Variants in FRMPD1 observed in about 807,000 individuals in gnomAD.
FRMPD1 encodes FERM and PDZ domain containing 1, also known as FERM and PDZ domain-containing protein 1.
Under a neutral mutation model 117.8 loss-of-function variants are expected in FRMPD1, and 76 were observed. That is an observed-to-expected ratio of 0.65 (90% CI 0.54 to 0.78). The LOEUF (loss-of-function observed/expected upper bound fraction) is 0.78, where lower values mean the gene tolerates loss of function less well. Among genes scored for constraint, FRMPD1 ranks in the 30% least tolerant of loss-of-function variants. The pLI is 0.00. For missense variants in FRMPD1, 1,786 were observed against 1,964.5 expected (o/e 0.91, Z 1.72); for synonymous variants, 783 against 770.4 (o/e 1.02, Z -0.27).
intron 13 of FRMPD1, among the ~76,000 whole-genome samples, chr9:37,736,776 T>C (rs925544652): frequency 6.6e-6 from 1 of 151,162 alleles, no homozygotes; most frequent in African/African-American, 2.4e-5. Flanking sequence ...GGCGCTGGGG[T>C]AGAGGATGAG....
intron 1 of FRMPD1, among the ~76,000 whole-genome samples, chr9:37,673,345 C>T (rs571974710): frequency 2.6e-5 from 4 of 152,352 alleles, no homozygotes; most frequent in Non-Finnish European, 4.4e-5. Flanking sequence ...GCAGGTCAAG[C>T]TGATGCAAGA....
chr9:37,654,530 T>C (rs568038896), intron 1 of FRMPD1, among the ~76,000 whole-genome samples: 5 of 152,394 alleles, frequency 3.3e-5, no homozygotes, highest in Admixed American at 1.3e-4. Context: ...AGTTTTTTCA[T>C]CTGTAAACTA....
At chr9:37,678,187 C>T (rs1046531928) in intron 1 of FRMPD1, among the ~76,000 whole-genome samples, 7 of 151,672 alleles carry the variant, frequency 4.6e-5, no homozygotes, top group Admixed American at 2.0e-4. Context: ...TTCTGCCTAC[C>T]CATGACCTCC....
At chr9:37,730,764 G>A (rs1384966283) in intron 8 of FRMPD1, among the ~76,000 whole-genome samples, 1 of 152,198 alleles carries the variant, frequency 6.6e-6, no homozygotes, top group Admixed American at 6.5e-5. Context: ...TGGAAGATAG[G>A]TGAGTGGGAA....
the FRMPD1 span, among the ~76,000 whole-genome samples, chr9:37,636,180 G>A: frequency 1.3e-5 from 2 of 152,174 alleles, no homozygotes; most frequent in Non-Finnish European, 2.9e-5. Flanking sequence ...AGGGTGGGCT[G>A]CTGGGCCCCT....
rs773945026 is a variant in FRMPD1, at chr9:37,745,455, AAAT to A, written c.3427_3429del (p.Asn1143del). On this transcript the variant is annotated inframe_deletion, in exon 16 of 16. Transcript: ENST00000377765. ...CAGGTGACTCCCCGGGTGATGTGTCAAATAATGTTTCACAGACTCTTGATATTA... is the reference window on the plus strand; with the variant it reads ...CAGGTGACTCCCCGGGTGATGTGTCAAATGTTTCACAGACTCTTGATATTA... 6 of 1,613,888 alleles carry A rather than the reference AAAT, an allele frequency of 3.7e-6. No individual in the cohort carries two copies. The highest frequency in any genetic ancestry group is 1.3e-5 in the African/African-American group (1 of 74,922).
chr9:37,746,816 C>T lies in FRMPD1; in HGVS notation c.*47C>T, dbSNP rs1251075992. 3 of 1,341,240 alleles carry T rather than the reference C, an allele frequency of 2.2e-6. No individual in the cohort carries two copies. The Admixed American group carries it at 5.3e-5, about 24-fold the overall frequency. The allele number at this position is 1,341,240 out of a possible 1,614,324, so 83.1% of individuals were successfully genotyped here. A position where few individuals can be genotyped will look rare whatever the true frequency, so the allele number is the denominator to read the frequency against. On this transcript the variant is annotated 3_prime_UTR_variant, in exon 16 of 16. Transcript: ENST00000377765. ...CTCCTGCCCTGTCCTGCCTTGGACA[C>T]TTCCCTGAGAAGCCCCTTCCACTCT...
chr9:37,636,364 G>C, the FRMPD1 span, among the ~76,000 whole-genome samples: 25,729 of 152,156 alleles, frequency 0.17, 2,888 homozygotes, highest in East Asian at 0.58. Context: ...CAGCACACAT[G>C]GGGGTGGGAG....
Position 37,745,278 on chromosome 9 carries a change from TA to T in FRMPD1, c.3247del (p.Arg1083GlufsTer7). On this transcript the variant is annotated frameshift_variant, in exon 16 of 16. Coordinates refer to ENST00000377765, the MANE Select transcript of FRMPD1 (RefSeq NM_014907.3). LOFTEE classifies it low-confidence loss of function (END_TRUNC). The part of the protein sequence containing the change: ...EPLLSPRDEP[R>X]SDECGINPGE... Reference sequence around the variant, plus strand: ...CTTTGTTGTCTCCTAGAGATGAGCCTAGAAGTGATGAATGTGGAATAAATCC... The same window carrying T: ...CTTTGTTGTCTCCTAGAGATGAGCCTGAAGTGATGAATGTGGAATAAATCC... The T allele has an allele frequency of 6.2e-7, 1 of 1,612,312 alleles. No individual in the cohort carries two copies. Among genetic ancestry groups the T allele is most frequent in the Non-Finnish European group, 8.5e-7 (1 of 1,178,352 alleles).
the FRMPD1 span, among the ~76,000 whole-genome samples, chr9:37,611,734 T>A: frequency 6.6e-6 from 1 of 152,232 alleles, no homozygotes; most frequent in Admixed American, 6.5e-5. Flanking sequence ...TTTGGGTTTA[T>A]ATGTTTAAGA....
At position 37,692,867 on chromosome 9, in the gene FRMPD1, G is replaced by A. The variant is rs545664778; in HGVS notation, c.101+125G>A. ...GGCTTGCTTTGTTCTTACACCATAT[G>A]GTGGGAGCAGTGTAAACAGGTCAGC... On this transcript the variant is annotated intron_variant, in intron 2 of 15. Transcript: ENST00000377765. 5.5e-6 allele frequency: 4 copies of A among 728,130 alleles called. No homozygotes were observed. The Admixed American group carries it at 6.5e-5, about 12-fold the overall frequency. The allele number at this position is 728,130 out of a possible 1,614,324, so 45.1% of individuals were successfully genotyped here.
chr9:37,645,191 C>T, the FRMPD1 span, among the ~76,000 whole-genome samples: 1 of 151,762 alleles, frequency 6.6e-6, no homozygotes, highest in South Asian at 2.1e-4. Context: ...CTTTTCAAAG[C>T]TGCCTCTCAA....
the FRMPD1 span, among the ~76,000 whole-genome samples, chr9:37,610,794 G>A: frequency 1.3e-5 from 2 of 151,820 alleles, no homozygotes; most frequent in African/African-American, 4.8e-5. Context: ...GCAGAGATGG[G>A]GTTTCTCCAT....
At chr9:37,741,728 C>T (rs1281020757) in intron 15 of FRMPD1, among the ~76,000 whole-genome samples, 1 of 152,208 alleles carries the variant, frequency 6.6e-6, no homozygotes, top group African/African-American at 2.4e-5. Context: ...TGTCTCTCTC[C>T]CTCCTCCTGC....
intron 1 of FRMPD1, among the ~76,000 whole-genome samples, chr9:37,682,547 G>A (rs564817867): frequency 1.8e-4 from 27 of 152,330 alleles, no homozygotes; most frequent in African/African-American, 6.0e-4. Context: ...TTAATTAAAG[G>A]CAAAGCCAGG....
At chr9:37,612,528 T>C in the FRMPD1 span, among the ~76,000 whole-genome samples, 1 of 149,574 alleles carries the variant, frequency 6.7e-6, no homozygotes, top group African/African-American at 2.5e-5. Context: ...TTTTTTTTTT[T>C]TTTTTTTTTG....
chr9:37,637,730 A>T, the FRMPD1 span, among the ~76,000 whole-genome samples: 1 of 152,222 alleles, frequency 6.6e-6, no homozygotes, highest in African/African-American at 2.4e-5. Flanking sequence ...TCCGTAAGAC[A>T]GGAGCTATAT....
rs765043465 is a variant in FRMPD1, at chr9:37,740,209, G to C, written c.1681G>C (p.Gly561Arg). ...RSLIKEEQPP[G>R]NSPTPEVARR... ...ACTCATAAAGGAGGAGCAGCCTCCT[G>C]GGAACAGCCCCACACCTGAGGTGGC... is the stretch of plus-strand genomic sequence containing the variant. Residue 561 changes from glycine (G) to arginine (R), a missense_variant, in exon 15 of 16, where the codon GGG becomes CGG. Physicochemically the swap from Gly to Arg is moderately radical, Grantham distance 125. Coordinates refer to ENST00000377765, the MANE Select transcript of FRMPD1 (RefSeq NM_014907.3). This position sits in a 1 kb window ranked among gnomAD's most constrained non-coding sequence, Gnocchi z 4.2. The C allele has an allele frequency of 1.9e-6, 3 of 1,613,914 alleles. No individual in the cohort carries two copies. The South Asian group carries it at 3.3e-5, about 18-fold the overall frequency.
intron 10 of FRMPD1, among the ~76,000 whole-genome samples, 153 bp downstream of exon 10, chr9:37,732,593 C>G (rs1823938434): frequency 6.6e-6 from 1 of 152,224 alleles, no homozygotes; most frequent in African/African-American, 2.4e-5. Context: ...CTAATCTGAC[C>G]TGGCTCCCCC....
Sources: allele counts gnomAD v4.1 joint callset (sites outside exome capture counted in the v4.1 genomes callset), GRCh38; gene constraint gnomAD v4.1.1; non-coding constraint Gnocchi (gnomAD v3.1); transcripts MANE v1.5; gene names NCBI Gene and HGNC (gene_info 2026-07-23, HGNC 2026-07-21).